The following ATXN7L1 variants were observed in gnomAD, a reference collection of about 807,000 sequenced individuals.
The protein encoded by ATXN7L1 is ataxin 7 like 1, also known as ataxin-7-like protein 1.
Under a neutral mutation model 70.8 loss-of-function variants are expected in ATXN7L1, and 15 were observed. The ratio of observed to expected loss-of-function variants is 0.21; its 90% CI spans 0.14 to 0.33. The LOEUF is 0.33. Among genes scored for constraint, ATXN7L1 ranks in the 10% least tolerant of loss-of-function variants. The pLI is 1.00. For synonymous variants in ATXN7L1, 440 were observed against 445.1 expected, an observed-to-expected ratio of 0.99 and a Z score of 0.14; for missense variants, 975 against 1,097.1, an observed-to-expected ratio of 0.89 and a Z score of 1.57.
intron 3 of ATXN7L1, chr7:105,761,328 G>T (rs776295909): frequency 6.2e-7 from 1 of 1,612,550 alleles, no homozygotes; most frequent in East Asian, 2.2e-5. Context: ...GACAATGCCA[G>T]TCCTCTGAGA....
intron 3 of ATXN7L1, among the ~76,000 whole-genome samples, chr7:105,787,640 G>T (rs554999668): frequency 6.6e-6 from 1 of 152,286 alleles, no homozygotes; most frequent in South Asian, 2.1e-4. Context: ...AACTGAAGAG[G>T]TGGGGAAAAG....
At chr7:105,865,603 G>A (rs1254966769) in intron 2 of ATXN7L1, among the ~76,000 whole-genome samples, 8 of 152,100 alleles carry the variant, frequency 5.3e-5, no homozygotes, top group East Asian at 3.9e-4. Flanking sequence ...GGGTTTCACC[G>A]TGTTAGCCAG....
chr7:105,868,137 A>T (rs1161802341), intron 2 of ATXN7L1, among the ~76,000 whole-genome samples: 2 of 152,190 alleles, frequency 1.3e-5, no homozygotes, highest in Non-Finnish European at 2.9e-5. Flanking sequence ...ACACATGGGT[A>T]ACTTCCTGTA....
At chr7:105,732,617 G>A (rs1584867289) in intron 3 of ATXN7L1, among the ~76,000 whole-genome samples, 1 of 152,118 alleles carries the variant, frequency 6.6e-6, no homozygotes, top group South Asian at 2.1e-4. Flanking sequence ...GTTCTGAGTG[G>A]GCATTGTAGG....
chr7:105,648,640 G>A (rs1388051435), intron 4 of ATXN7L1, among the ~76,000 whole-genome samples: 3 of 151,988 alleles, frequency 2.0e-5, no homozygotes, highest in Non-Finnish European at 4.4e-5. Context: ...GTGTGCCTAT[G>A]CTGCAGCCAC....
chr7:105,875,792 A>T lies in ATXN7L1; in HGVS notation c.250+20T>A. ...TTCTGCCACACATGCTAACACTAAA[A>T]TGCCAGTAGCTCCACTTACCTTCTT... On this transcript the variant is annotated intron_variant, in intron 2 of 11. Transcript: ENST00000419735. The T allele has an allele frequency of 6.2e-7, 1 of 1,603,350 alleles. No homozygotes were observed. The highest frequency in any genetic ancestry group is 8.5e-7 in the Non-Finnish European group (1 of 1,170,568).
At chr7:105,615,251 T>C (rs1026728019) in intron 9 of ATXN7L1, among the ~76,000 whole-genome samples, 1 of 152,062 alleles carries the variant, frequency 6.6e-6, no homozygotes, top group Admixed American at 6.5e-5. Flanking sequence ...AAGTAAGAAA[T>C]GTGAGGACAG....
At chr7:105,754,307 A>G (rs1249286136) in intron 3 of ATXN7L1, among the ~76,000 whole-genome samples, 1 of 152,160 alleles carries the variant, frequency 6.6e-6, no homozygotes, top group African/African-American at 2.4e-5. Context: ...CTCACTGCCC[A>G]TCTTGGAAGA....
intron 3 of ATXN7L1, among the ~76,000 whole-genome samples, chr7:105,767,182 A>G (rs1801385245): frequency 6.6e-6 from 1 of 152,174 alleles, no homozygotes; most frequent in African/African-American, 2.4e-5. Context: ...TACAAGTGAA[A>G]TAAGTGCACA....
chr7:105,729,895 G>C (rs1796340963), intron 3 of ATXN7L1, among the ~76,000 whole-genome samples: 1 of 151,922 alleles, frequency 6.6e-6, no homozygotes, highest in African/African-American at 2.4e-5. Flanking sequence ...CTGCCACCAC[G>C]CCCAGCTAAT....
intron 2 of ATXN7L1, among the ~76,000 whole-genome samples, chr7:105,868,617 A>G (rs1585195806): frequency 6.6e-6 from 1 of 152,194 alleles, no homozygotes; most frequent in East Asian, 1.9e-4. Flanking sequence ...ACAAAATTAT[A>G]TATGTATCTA....
chr7:105,638,591 G>T lies in ATXN7L1; in HGVS notation c.964C>A (p.Arg322=). ...TTTTTCCGGCCTGGGACTGCCCTCC[G>T]ATGGCTTAGCGAATGTGTCTAAGGA... ...LTCKTHSLSH[R]RAVPGRKKQF... Residue 322 remains arginine (R), a synonymous_variant, in exon 7 of 12, where the codon CGG becomes AGG. Transcript: ENST00000419735. 1.3e-6 allele frequency: 2 copies of T among 1,551,686 alleles called. No homozygotes were observed. Among genetic ancestry groups the T allele is most frequent in the Non-Finnish European group, 1.7e-6 (2 of 1,146,980 alleles).
At position 105,823,487 on chromosome 7, in the gene ATXN7L1, T is replaced by C. The variant is rs1036996676; in HGVS notation, c.251-34779A>G. On this transcript the variant is annotated intron_variant, in intron 2 of 11. Coordinates refer to ENST00000419735, the MANE Select transcript of ATXN7L1 (RefSeq NM_020725.2). ...TGCTACTCTGTGGCATTCAAGAGCA[T>C]GGTACTTCCAATAAACACTATATTG... Among the ~76,000 whole-genome samples, 3 of 152,184 alleles carry C rather than the reference T, an allele frequency of 2.0e-5. No homozygotes were observed. In the East Asian group the frequency reaches 5.8e-4, roughly 29 times the overall value.
chr7:105,825,754 C>T (rs1356116314), intron 2 of ATXN7L1, among the ~76,000 whole-genome samples: 2 of 152,096 alleles, frequency 1.3e-5, no homozygotes, highest in Admixed American at 1.3e-4. Context: ...ATCTGTTCCT[C>T]ATCATTTGAA....
Position 105,607,738 on chromosome 7 carries a change from T to A in ATXN7L1, c.*114A>T. ...GAAGAAAGGCCAGAGTCACAGGGAG[T>A]GCACAGAAAACAGACTCTCCCCCCA... On this transcript the variant is annotated 3_prime_UTR_variant, in exon 12 of 12. Coordinates refer to ENST00000419735, the MANE Select transcript of ATXN7L1 (RefSeq NM_020725.2). The A allele has an allele frequency of 1.1e-6, 1 of 885,188 alleles. No homozygotes were observed. Among genetic ancestry groups the A allele is most frequent in the South Asian group, 1.5e-5 (1 of 64,930 alleles). The allele number at this position is 885,188 out of a possible 1,614,324, so 54.8% of individuals were successfully genotyped here. A position where few individuals can be genotyped will look rare whatever the true frequency, so the allele number is the denominator to read the frequency against.
intron 2 of ATXN7L1, among the ~76,000 whole-genome samples, chr7:105,874,122 T>TC (rs1491571109): frequency 6.6e-5 from 4 of 60,390 alleles, no homozygotes; most frequent in African/African-American, 3.4e-4. Flanking sequence ...AGAATCCGTA[T>TC]CAAAAAAAAA....
chr7:105,741,691 A>G (rs1390075835), intron 3 of ATXN7L1, among the ~76,000 whole-genome samples: 3 of 152,218 alleles, frequency 2.0e-5, no homozygotes, highest in Non-Finnish European at 1.5e-5. Context: ...AGCACCTGTG[A>G]ACGTGACCTT....
intron 3 of ATXN7L1, among the ~76,000 whole-genome samples, chr7:105,688,628 C>T (rs759445575): frequency 6.6e-6 from 1 of 152,162 alleles, no homozygotes; most frequent in African/African-American, 2.4e-5. Context: ...TATGCCCTGG[C>T]GTAAGCGCCA....
intron 3 of ATXN7L1, among the ~76,000 whole-genome samples, chr7:105,674,440 T>C (rs1305877520): frequency 6.6e-6 from 1 of 152,240 alleles, no homozygotes; most frequent in Non-Finnish European, 1.5e-5. Flanking sequence ...TACCGTTAGT[T>C]GCCTTGTTAT....
Sources: allele counts gnomAD v4.1 joint callset (sites outside exome capture counted in the v4.1 genomes callset), GRCh38; gene constraint gnomAD v4.1.1; transcripts MANE v1.5; gene names NCBI Gene and HGNC (gene_info 2026-07-23, HGNC 2026-07-21).